ZNF385D: variants seen among roughly 807,000 people sequenced by gnomAD.
ZNF385D encodes zinc finger protein 385D, also known as zinc finger protein 659.
Under a neutral mutation model 35.8 loss-of-function variants are expected in ZNF385D, and 15 were observed. That is an observed-to-expected ratio of 0.42 (90% CI 0.28 to 0.64). The LOEUF is 0.64. Ranked by LOEUF, ZNF385D falls within the 30% of genes least tolerant of loss-of-function variation. The pLI is 0.23. For synonymous variants in ZNF385D, 212 were observed against 186.8 expected, an observed-to-expected ratio of 1.13 and a Z score of -1.10; for missense variants, 474 against 494.6, an observed-to-expected ratio of 0.96 and a Z score of 0.39.
In ZNF385D at chr3:22,324,193, T is replaced by C. The variant is rs140168443; in HGVS notation, c.106+48257A>G. On this transcript the variant is annotated intron_variant, in intron 2 of 5. Transcript: ENST00000494108. The stretch of plus-strand genomic sequence containing the variant: ...TAACTTGGAAGTGAAATAATTTTGG[T>C]GCTCCTAATAGGACACTAATTATCA... Among the ~76,000 whole-genome samples, 692 of 152,306 alleles carry C rather than the reference T, an allele frequency of 4.5e-3. 12 individuals carry two copies. Among genetic ancestry groups the C allele is most frequent in the African/African-American group, 0.016 (676 of 41,582 alleles).
intron 4 of ZNF385D, among the ~76,000 whole-genome samples, chr3:21,467,296 T>C (rs1030019457): frequency 1.3e-5 from 2 of 152,192 alleles, no homozygotes; most frequent in Non-Finnish European, 1.5e-5. Flanking sequence ...TTGCTGACAT[T>C]GTAGTTATTA....
chr3:21,826,858 T>C (rs1575730021), intron 3 of ZNF385D, among the ~76,000 whole-genome samples: 1 of 149,228 alleles, frequency 6.7e-6, no homozygotes, highest in East Asian at 2.0e-4. Context: ...TAGAACAAGG[T>C]TGTGAGTGGT....
chr3:21,652,808 A>T (rs1177333798), intron 2 of ZNF385D, among the ~76,000 whole-genome samples: 2 of 152,218 alleles, frequency 1.3e-5, no homozygotes, highest in Non-Finnish European at 2.9e-5. Flanking sequence ...TTTGCTGCTT[A>T]TAAAATTTGA....
intron 3 of ZNF385D, among the ~76,000 whole-genome samples, chr3:22,107,268 C>T (rs766644137): frequency 1.5e-4 from 23 of 152,000 alleles, no homozygotes; most frequent in Non-Finnish European, 2.6e-4. Flanking sequence ...GGTGATTTGC[C>T]TGCCTTGGCC....
At chr3:22,049,195 C>G (rs888705973) in intron 3 of ZNF385D, among the ~76,000 whole-genome samples, 22 of 151,890 alleles carry the variant, frequency 1.4e-4, no homozygotes, top group Non-Finnish European at 2.9e-4. Context: ...ACTCAGAAGG[C>G]TGAGATGGGA....
At chr3:21,865,320 A>G (rs1260307642) in intron 3 of ZNF385D, among the ~76,000 whole-genome samples, 1 of 151,866 alleles carries the variant, frequency 6.6e-6, no homozygotes, top group Admixed American at 6.6e-5. Flanking sequence ...TTTGTTTAGA[A>G]TTTGTGACTT....
chr3:21,683,124 A>G (rs1575454137), intron 1 of ZNF385D, among the ~76,000 whole-genome samples: 2 of 149,906 alleles, frequency 1.3e-5, no homozygotes, highest in African/African-American at 2.5e-5. Flanking sequence ...CTATTGGTAC[A>G]TGATCCACAA....
At chr3:22,289,753 G>T (rs529204464) in intron 2 of ZNF385D, among the ~76,000 whole-genome samples, 180 of 152,274 alleles carry the variant, frequency 1.2e-3, no homozygotes, top group Non-Finnish European at 2.3e-3. Flanking sequence ...AGCTATAAAA[G>T]TTGGGGCACT....
chr3:22,136,381 T>G (rs1047513645), intron 3 of ZNF385D, among the ~76,000 whole-genome samples: 13 of 93,968 alleles, frequency 1.4e-4, no homozygotes, highest in African/African-American at 4.4e-4. Context: ...AAGTGAGACT[T>G]TGTCTAAAAA....
At chr3:21,647,675 GTT>G (rs1336471617) in intron 2 of ZNF385D, among the ~76,000 whole-genome samples, 5 of 152,102 alleles carry the variant, frequency 3.3e-5, no homozygotes, top group African/African-American at 1.2e-4. Context: ...GGTAAAATAT[GTT>G]TCTCCCTTTA....
intron 2 of ZNF385D, among the ~76,000 whole-genome samples, chr3:22,274,100 A>G (rs919577416): frequency 6.6e-6 from 1 of 151,828 alleles, no homozygotes; most frequent in Non-Finnish European, 1.5e-5. Flanking sequence ...CTTGAATCTA[A>G]CCCCTTCTCC....
intron 3 of ZNF385D, among the ~76,000 whole-genome samples, chr3:22,139,690 C>T (rs1458060331): frequency 3.3e-5 from 5 of 152,030 alleles, no homozygotes; most frequent in Admixed American, 1.3e-4. Context: ...TGGTGCAGTA[C>T]ACCGACATGG....
At chr3:22,126,626 G>A (rs1007948060) in intron 3 of ZNF385D, among the ~76,000 whole-genome samples, 4 of 151,988 alleles carry the variant, frequency 2.6e-5, no homozygotes, top group East Asian at 1.9e-4. Flanking sequence ...AGAATGATCC[G>A]TATTCTGAGG....
chr3:22,195,987 A>G (rs1303692010), intron 2 of ZNF385D, among the ~76,000 whole-genome samples: 1 of 152,076 alleles, frequency 6.6e-6, no homozygotes, highest in African/African-American at 2.4e-5. Context: ...ACACATGGGC[A>G]CATAGAGGAG....
intron 3 of ZNF385D, among the ~76,000 whole-genome samples, chr3:22,124,785 T>C (rs1362912370): frequency 6.6e-6 from 1 of 152,158 alleles, no homozygotes; most frequent in Admixed American, 6.6e-5. Flanking sequence ...TCCTATAGAG[T>C]TGTTTGAGCT....
intron 2 of ZNF385D, among the ~76,000 whole-genome samples, chr3:22,249,223 A>G (rs1699942898): frequency 6.6e-6 from 1 of 152,128 alleles, no homozygotes; most frequent in African/African-American, 2.4e-5. Context: ...GCTGTCTTAT[A>G]CCACTAAGTT....
chr3:21,558,333 C>G (rs1482425874), intron 3 of ZNF385D, among the ~76,000 whole-genome samples: 2 of 142,650 alleles, frequency 1.4e-5, no homozygotes, highest in Admixed American at 6.9e-5. Flanking sequence ...TAAGTGTGTC[C>G]CAGAGATTCT....
intron 2 of ZNF385D, among the ~76,000 whole-genome samples, chr3:22,291,187 T>C (rs1426298590): frequency 6.6e-6 from 1 of 152,168 alleles, no homozygotes; most frequent in East Asian, 1.9e-4. Flanking sequence ...GTTGTTACTT[T>C]CTGATTTCTC....
chr3:21,432,151 A>G (rs897356833), intron 5 of ZNF385D, among the ~76,000 whole-genome samples: 1 of 152,138 alleles, frequency 6.6e-6, no homozygotes, highest in Non-Finnish European at 1.5e-5. Context: ...TTGTGCTTCA[A>G]TGTCCTCATT....
Sources: gnomAD v4.1 joint callset for allele counts (sites outside exome capture counted in the v4.1 genomes callset) on GRCh38, gnomAD v4.1.1 for gene constraint, MANE v1.5 for transcripts, NCBI Gene and HGNC (gene_info 2026-07-23, HGNC 2026-07-21) for gene names.